The following ACVR1 variants were observed in gnomAD, a reference collection of about 807,000 sequenced individuals.
ACVR1 encodes activin A receptor type 1.
In ACVR1, 38 loss-of-function variants were observed where a neutral mutation model predicts 57.1. That is an observed-to-expected ratio of 0.67 (90% confidence interval 0.51 to 0.87). The LOEUF (loss-of-function observed/expected upper bound fraction) is 0.87. ACVR1 is among the 40% of genes least tolerant of loss of function. ACVR1 has a pLI of 0.00. For missense variants in ACVR1, 463 were observed against 638.2 expected (o/e 0.73, Z 2.96); for synonymous variants, 212 against 228.1 (o/e 0.93, Z 0.63).
At chr2:157,744,202 C>T (rs888273714) in intron 9 of ACVR1, among the ~76,000 whole-genome samples, 14 of 152,194 alleles carry the variant, frequency 9.2e-5, no homozygotes, top group Non-Finnish European at 2.1e-4. Flanking sequence ...AGGACAGAGT[C>T]TCTGGCATGT....
chr2:157,834,077 T>G (rs535698509), intron 1 of ACVR1, among the ~76,000 whole-genome samples: 1 of 152,222 alleles, frequency 6.6e-6, no homozygotes, highest in Non-Finnish European at 1.5e-5. Flanking sequence ...CATACATGTC[T>G]AGAAGCTATT....
At chr2:157,771,573 T>C (rs1330419228) in intron 6 of ACVR1, among the ~76,000 whole-genome samples, 1 of 152,146 alleles carries the variant, frequency 6.6e-6, no homozygotes, top group Non-Finnish European at 1.5e-5. Context: ...ACTGCTGGAA[T>C]CACACAGCTT....
intron 1 of ACVR1, among the ~76,000 whole-genome samples, chr2:157,843,359 A>G (rs542607861): frequency 3.5e-4 from 54 of 152,306 alleles, no homozygotes; most frequent in Non-Finnish European, 5.1e-4. Flanking sequence ...GGTTTTCCCT[A>G]AAAAATGAGT....
intron 3 of ACVR1, among the ~76,000 whole-genome samples, chr2:157,789,503 A>G (rs533522373): frequency 8.3e-4 from 127 of 152,358 alleles, no homozygotes; most frequent in African/African-American, 3.0e-3. Flanking sequence ...TAACCCAAGT[A>G]TCTACAAAGG....
intron 3 of ACVR1, among the ~76,000 whole-genome samples, chr2:157,792,606 T>C (rs1195991571): frequency 6.6e-6 from 1 of 152,222 alleles, no homozygotes; most frequent in Non-Finnish European, 1.5e-5. Flanking sequence ...AGACTGGTGT[T>C]GTCTTTTTTA....
At chr2:157,796,821 A>G (rs1356836031) in intron 3 of ACVR1, among the ~76,000 whole-genome samples, 1 of 152,194 alleles carries the variant, frequency 6.6e-6, no homozygotes, top group Non-Finnish European at 1.5e-5. Context: ...AAATCCTCCC[A>G]GCTTTAATAT....
At chr2:157,741,126 A>G (rs978804525) in intron 9 of ACVR1, among the ~76,000 whole-genome samples, 2 of 152,230 alleles carry the variant, frequency 1.3e-5, no homozygotes, top group Non-Finnish European at 2.9e-5. Context: ...GTCTAGTGGA[A>G]GAGCAGGACA....
At chr2:157,819,869 AT>A (rs1688101599) in intron 1 of ACVR1, among the ~76,000 whole-genome samples, 1 of 152,238 alleles carries the variant, frequency 6.6e-6, no homozygotes, top group African/African-American at 2.4e-5. Flanking sequence ...AAACTTTCCC[AT>A]TCAAATAGTT....
At chr2:157,826,410 C>T (rs1220510318) in intron 1 of ACVR1, 1 of 151,836 alleles carries the variant, frequency 6.6e-6, no homozygotes, top group Non-Finnish European at 1.5e-5. Context: ...ACCTATAATC[C>T]CAGCACTTTG....
chr2:157,737,174 G>A lies in ACVR1; in HGVS notation c.*357C>T, dbSNP rs919514633. 11 of 357,354 alleles carry A rather than the reference G, an allele frequency of 3.1e-5. No homozygotes were observed. The highest frequency in any genetic ancestry group is 1.0e-4 in the African/African-American group (5 of 49,228). 22.1% of individuals were successfully genotyped at this position (357,354 alleles called of 1,614,324 possible). On this transcript the variant is annotated 3_prime_UTR_variant, in exon 11 of 11. Transcript: ENST00000434821. The stretch of plus-strand genomic sequence containing the variant: ...AATTCACCACCTCCTTGAGTTTCCC[G>A]TGGGGAGTGTCTAGGAGACTTGTGA...
chr2:157,816,287 G>A (rs1321121310), intron 2 of ACVR1, among the ~76,000 whole-genome samples: 7 of 151,910 alleles, frequency 4.6e-5, no homozygotes, highest in South Asian at 4.2e-4. Context: ...ATACTGTTTC[G>A]TATTATCTGA....
intron 1 of ACVR1, among the ~76,000 whole-genome samples, chr2:157,858,410 G>T (rs1689608118): frequency 6.6e-6 from 1 of 152,052 alleles, no homozygotes; most frequent in South Asian, 2.1e-4. Flanking sequence ...GGAAGCAGAG[G>T]CTCTCATCTG....
chr2:157,739,876 G>A (rs967671777), intron 9 of ACVR1, among the ~76,000 whole-genome samples: 3 of 152,124 alleles, frequency 2.0e-5, no homozygotes, highest in Non-Finnish European at 2.9e-5. Context: ...ATGGAAACAA[G>A]TCTAAATTAT....
chr2:157,753,392 GTGGTGGGTGCCTA>G (rs1191534352), intron 9 of ACVR1, among the ~76,000 whole-genome samples: 4 of 152,142 alleles, frequency 2.6e-5, no homozygotes. Context: ...GCTGGGTGTG[GTGGTGGGTGCCTA>G]TAATCCCAGC....
At chr2:157,874,458 C>T (rs1258184726) in intron 1 of ACVR1, among the ~76,000 whole-genome samples, 1 of 152,202 alleles carries the variant, frequency 6.6e-6, no homozygotes, top group African/African-American at 2.4e-5. Flanking sequence ...GAGGTCAGCA[C>T]AAGTCTAGTG....
rs1686360991 is a variant in ACVR1 at position 157,778,135 on chromosome 2, A to G, written c.539T>C (p.Leu180Ser). 6.2e-7 allele frequency: 1 copy of G among 1,613,564 alleles called. No individual in the cohort carries two copies. Among genetic ancestry groups the G allele is most frequent in the Admixed American group, 1.7e-5 (1 of 59,976 alleles). The stretch of plus-strand genomic sequence containing the variant: ...TCCTGTGGGGTCATGACTTACTGCT[A>G]AAGTGCTGTCTCCAACATTGGTGGT... ...LITTNVGDSTLADLLDHSCTS... is the reference protein window; with the variant it reads ...LITTNVGDSTSADLLDHSCTS... The change falls in exon 5 of 11, where the codon TTA (leucine) becomes TCA (serine). Residue 180 changes from leucine (L) to serine (S), a missense_variant. By Grantham distance (145) the Leu-to-Ser change is moderately radical. Transcript: ENST00000434821.
chr2:157,821,413 T>C (rs1042483834), intron 1 of ACVR1, among the ~76,000 whole-genome samples: 2 of 152,010 alleles, frequency 1.3e-5, no homozygotes, highest in African/African-American at 4.8e-5. Context: ...TAATCCTAGC[T>C]ACTCGGGAGT....
intron 8 of ACVR1, 68 bp from the exon 9 acceptor site, chr2:157,761,145 T>C: frequency 6.5e-7 from 1 of 1,528,192 alleles, no homozygotes; most frequent in Non-Finnish European, 8.9e-7. Context: ...TGAAGGATTT[T>C]AAACCAACCC....
chr2:157,859,893 A>G (rs1206056349), intron 1 of ACVR1, among the ~76,000 whole-genome samples: 1 of 152,110 alleles, frequency 6.6e-6, no homozygotes, highest in Non-Finnish European at 1.5e-5. Flanking sequence ...TATAGATTAT[A>G]CTTAAGAAAT....
Sources: gnomAD v4.1 joint callset for allele counts (sites outside exome capture counted in the v4.1 genomes callset) on GRCh38, gnomAD v4.1.1 for gene constraint, MANE v1.5 for transcripts, NCBI Gene and HGNC (gene_info 2026-07-23, HGNC 2026-07-21) for gene names.